TMEM132D: variants seen among roughly 807,000 people sequenced by gnomAD.
TMEM132D encodes the protein mature OL transmembrane protein.
TMEM132D carries 21 observed loss-of-function variants against 62.3 expected under a neutral mutation model. That is an observed-to-expected ratio of 0.34 (90% CI 0.24 to 0.49). The LOEUF is 0.49. TMEM132D is among the 20% of genes least tolerant of loss of function. The pLI is 0.99. For missense variants in TMEM132D, 1,346 were observed against 1,402.8 expected (o/e 0.96, Z 0.65); for synonymous variants, 621 against 575.6 (o/e 1.08, Z -1.13).
At position 129,621,424 on chromosome 12, in the gene TMEM132D, C is replaced by T. The variant is rs372774026; in HGVS notation, c.968+78386G>A. On this transcript the variant is annotated intron_variant, in intron 2 of 8. Transcript: ENST00000422113. ...CACTGCCACATGTTGTCTATTCATG[C>T]ACATTTCTCCTCTCTCTCCACTAGA... Among the ~76,000 whole-genome samples the T allele has an allele frequency of 2.0e-3, 307 of 152,306 alleles. 10 individuals carry two copies. In the South Asian group the frequency reaches 0.062, roughly 31 times the overall value.
chr12:129,499,708 G>T (rs942879163), intron 3 of TMEM132D, among the ~76,000 whole-genome samples: 1 of 152,176 alleles, frequency 6.6e-6, no homozygotes, highest in Admixed American at 6.5e-5. Flanking sequence ...CATGGCTTGG[G>T]AAAGTCCACT....
At chr12:129,108,454 C>T (rs146291486) in intron 5 of TMEM132D, among the ~76,000 whole-genome samples, 36 of 152,262 alleles carry the variant, frequency 2.4e-4, no homozygotes, top group Admixed American at 7.8e-4. Context: ...GGGTAGTAGA[C>T]GACATACTTG....
Position 129,505,523 on chromosome 12 carries a change from A to G in TMEM132D, c.1115+25536T>C, listed in dbSNP as rs377092379. On this transcript the variant is annotated intron_variant, in intron 3 of 8. Coordinates refer to ENST00000422113, the MANE Select transcript of TMEM132D (RefSeq NM_133448.3). ...CTCCCACGGTGCTGGGATTACAGGC[A>G]TGAGCCACCACGCCTGGCCTGTTCC... Among the ~76,000 whole-genome samples the G allele has an allele frequency of 1.7e-3, 259 of 152,274 alleles. 1 individual carries two copies. In the East Asian group the frequency reaches 0.019, roughly 11 times the overall value.
At chr12:129,275,635 A>G (rs532744525) in intron 4 of TMEM132D, among the ~76,000 whole-genome samples, 1 of 152,288 alleles carries the variant, frequency 6.6e-6, no homozygotes, top group Admixed American at 6.5e-5. Context: ...GAATAAGGAG[A>G]TCAAGGTCAG....
At position 129,375,647 on chromosome 12, in the gene TMEM132D, CTCA is replaced by C. The variant is rs1485511046; in HGVS notation, c.1116-37833_1116-37831del. Among the ~76,000 whole-genome samples the C allele has an allele frequency of 1.5e-3, 234 of 152,202 alleles. 1 individual carries two copies. Among genetic ancestry groups the C allele is most frequent in the African/African-American group, 5.5e-3 (228 of 41,516 alleles). On this transcript the variant is annotated intron_variant, in intron 3 of 8. Coordinates refer to ENST00000422113, the MANE Select transcript of TMEM132D (RefSeq NM_133448.3). Reference sequence around the variant, plus strand: ...GAGCATGCCCTTTAAATCAGTTGTCCTCAACCTGGACGGTCCAGTAGAATCATA... The same window carrying C: ...GAGCATGCCCTTTAAATCAGTTGTCCACCTGGACGGTCCAGTAGAATCATA...
intron 5 of TMEM132D, among the ~76,000 whole-genome samples, chr12:129,115,188 G>C (rs1286530424): frequency 6.6e-6 from 1 of 152,140 alleles, no homozygotes; most frequent in Non-Finnish European, 1.5e-5. Flanking sequence ...ATCCAGACAT[G>C]GTCTAAAAAC....
At chr12:129,589,624 G>C (rs1878135436) in intron 2 of TMEM132D, among the ~76,000 whole-genome samples, 1 of 152,160 alleles carries the variant, frequency 6.6e-6, no homozygotes. Flanking sequence ...AGTGATGCAG[G>C]TAATATACAT....
At chr12:129,097,051 C>T (rs1036003806) in intron 5 of TMEM132D, among the ~76,000 whole-genome samples, 3 of 152,220 alleles carry the variant, frequency 2.0e-5, no homozygotes, top group East Asian at 1.9e-4. Context: ...CCACCCAAGC[C>T]GCTCTTGCCA....
chr12:129,686,531 C>T (rs901104015), intron 2 of TMEM132D, among the ~76,000 whole-genome samples: 16 of 152,180 alleles, frequency 1.1e-4, no homozygotes, highest in African/African-American at 3.9e-4. Flanking sequence ...ATAAATTACC[C>T]AGTCTTGGGC....
chr12:129,543,106 G>C (rs1314060077), intron 2 of TMEM132D, among the ~76,000 whole-genome samples: 1 of 143,924 alleles, frequency 6.9e-6, no homozygotes, highest in Non-Finnish European at 1.5e-5. Context: ...TAGAAAGATG[G>C]ATAGATGGAT....
chr12:129,490,624 T>G, intron 3 of TMEM132D, among the ~76,000 whole-genome samples: 1 of 121,784 alleles, frequency 8.2e-6, no homozygotes, highest in Non-Finnish European at 1.8e-5. Context: ...TTTTTTTTTT[T>G]TTGTATTTTT....
intron 3 of TMEM132D, among the ~76,000 whole-genome samples, chr12:129,356,996 C>T (rs954760023): frequency 4.0e-5 from 6 of 148,876 alleles, no homozygotes; most frequent in African/African-American, 1.5e-4. Context: ...TCTGTAATCC[C>T]AGCATTTCGG....
chr12:129,592,977 A>G (rs1878236011), intron 2 of TMEM132D, among the ~76,000 whole-genome samples: 1 of 152,176 alleles, frequency 6.6e-6, no homozygotes, highest in Non-Finnish European at 1.5e-5. Flanking sequence ...AGGAAGAGGA[A>G]GAGACACAGG....
rs536229536 is a variant in TMEM132D at position 129,250,311 on chromosome 12, C to T, written c.1300-40648G>A. Among the ~76,000 whole-genome samples the T allele has an allele frequency of 1.6e-4, 24 of 152,308 alleles. No homozygotes were observed. The East Asian group carries it at 4.1e-3, about 26-fold the overall frequency. ...TATGTATCACAATTTTATGCAGATA[C>T]GTTCTAGGTCCTTCAAAGTTCTCAT... On this transcript the variant is annotated intron_variant, in intron 4 of 8. Coordinates refer to ENST00000422113, the MANE Select transcript of TMEM132D (RefSeq NM_133448.3).
At chr12:129,079,128 A>C (rs1354750020) in intron 7 of TMEM132D, among the ~76,000 whole-genome samples, 1 of 152,152 alleles carries the variant, frequency 6.6e-6, no homozygotes, top group Non-Finnish European at 1.5e-5. Flanking sequence ...TTTTTTTCAA[A>C]AGCCTTCCTA....
chr12:129,269,696 A>G (rs1880800221), intron 4 of TMEM132D, among the ~76,000 whole-genome samples: 1 of 152,080 alleles, frequency 6.6e-6, no homozygotes, highest in African/African-American at 2.4e-5. Flanking sequence ...CCCCCCAGTT[A>G]CCACTGTTCT....
chr12:129,538,788 A>G (rs11060415), intron 2 of TMEM132D, among the ~76,000 whole-genome samples: 11,609 of 133,966 alleles, frequency 0.087, 1,028 homozygotes, highest in East Asian at 0.2. Context: ...GGTGACTGGC[A>G]CAGGCCCTGT....
In TMEM132D at chr12:129,779,881, A is replaced by C. The variant is rs1477940037; in HGVS notation, c.80-79183T>G. Among the ~76,000 whole-genome samples the C allele has an allele frequency of 2.0e-5, 3 of 152,180 alleles. No individual in the cohort carries two copies. The highest frequency in any genetic ancestry group is 7.2e-5 in the African/African-American group (3 of 41,456). ...AATAATTAAAAGAATCTGCAGGTGA[A>C]GCACATTACTATTTTTACCAACGTG... On this transcript the variant is annotated intron_variant, in intron 1 of 8. Transcript: ENST00000422113. The surrounding 1 kb of genome is among the most constrained non-coding windows in gnomAD (Gnocchi z 4.1).
At chr12:129,588,800 T>G (rs1878110672) in intron 2 of TMEM132D, among the ~76,000 whole-genome samples, 1 of 148,994 alleles carries the variant, frequency 6.7e-6, no homozygotes, top group Non-Finnish European at 1.5e-5. Context: ...CACCGTGTTA[T>G]ACTCATTTAT....
Sources: gnomAD v4.1 joint callset for allele counts (sites outside exome capture counted in the v4.1 genomes callset) on GRCh38, gnomAD v4.1.1 for gene constraint, Gnocchi (gnomAD v3.1) non-coding constraint, MANE v1.5 for transcripts, NCBI Gene and HGNC (gene_info 2026-07-23, HGNC 2026-07-21) for gene names.